The following L3MBTL3 variants were observed in gnomAD, a reference collection of about 807,000 sequenced individuals.
The protein encoded by L3MBTL3 is lethal(3)malignant brain tumor-like protein 3.
In L3MBTL3, 27 loss-of-function variants were observed where a neutral mutation model predicts 102.3. That is an observed-to-expected ratio of 0.26 (90% CI 0.19 to 0.36). The LOEUF is 0.36. Ranked by LOEUF, L3MBTL3 falls within the 10% of genes least tolerant of loss-of-function variation. The probability of loss-of-function intolerance (pLI) is 1.00; values close to 1 mark genes in which losing one functional copy is unlikely to be tolerated. For synonymous variants in L3MBTL3, 340 were observed against 320.9 expected, an observed-to-expected ratio of 1.06 and a Z score of -0.64; for missense variants, 798 against 955.3, an observed-to-expected ratio of 0.84 and a Z score of 2.17.
chr6:130,107,693 G>C (rs535444235), intron 19 of L3MBTL3, among the ~76,000 whole-genome samples: 26 of 152,318 alleles, frequency 1.7e-4, no homozygotes, highest in Non-Finnish European at 2.8e-4. Context: ...AGCAAATGCT[G>C]TCAGTGATGC....
At chr6:130,113,220 G>A (rs1785460056) in intron 19 of L3MBTL3, among the ~76,000 whole-genome samples, 1 of 152,174 alleles carries the variant, frequency 6.6e-6, no homozygotes, top group Non-Finnish European at 1.5e-5. Flanking sequence ...ACTCATTCAG[G>A]AAATGGAATT....
At chr6:130,055,084 G>T in intron 7 of L3MBTL3, 87 bp from the exon 8 acceptor site, 1 of 934,052 alleles carries the variant, frequency 1.1e-6, no homozygotes, top group African/African-American at 1.6e-5. Flanking sequence ...AAGAACAACA[G>T]AAAAAGTGCT....
chr6:130,019,851 C>T lies in L3MBTL3; in HGVS notation c.-95+1187C>T, dbSNP rs1284949715. Among the ~76,000 whole-genome samples the T allele has an allele frequency of 2.2e-5, 3 of 136,720 alleles. No homozygotes were observed. The East Asian group carries it at 6.7e-4, about 30-fold the overall frequency. 89.7% of individuals were successfully genotyped at this position (136,720 alleles called of 152,430 possible). A position where few individuals can be genotyped will look rare whatever the true frequency, so the allele number is the denominator to read the frequency against. Reference sequence around the variant, plus strand: ...CGAGGCGGCGCGGGCCCGCGGCGGCCGTCCGCGCGGGAGAGGGCGCGGGCC... The same window carrying T: ...CGAGGCGGCGCGGGCCCGCGGCGGCTGTCCGCGCGGGAGAGGGCGCGGGCC... On this transcript the variant is annotated intron_variant, in intron 1 of 22. Transcript: ENST00000361794.
chr6:130,103,173 T>C (rs1784800669), intron 18 of L3MBTL3, among the ~76,000 whole-genome samples: 1 of 152,246 alleles, frequency 6.6e-6, no homozygotes, highest in Non-Finnish European at 1.5e-5. Flanking sequence ...GTGCTTGATA[T>C]ATCATAAGTG....
chr6:130,074,777 A>G (rs1030511047), intron 13 of L3MBTL3, among the ~76,000 whole-genome samples: 3 of 152,214 alleles, frequency 2.0e-5, no homozygotes, highest in Admixed American at 1.3e-4. Flanking sequence ...AGCTTCAGCC[A>G]TTTTTTATTC....
At chr6:130,116,473 C>G (rs1255976742) in intron 19 of L3MBTL3, among the ~76,000 whole-genome samples, 4 of 152,170 alleles carry the variant, frequency 2.6e-5, no homozygotes, top group African/African-American at 9.7e-5. Flanking sequence ...TGTTAAGATT[C>G]ATGCACCCAG....
At chr6:130,057,316 C>A (rs2114857066) in intron 8 of L3MBTL3, 90 bp from the exon 9 acceptor site, 2 of 925,696 alleles carry the variant, frequency 2.2e-6, no homozygotes, top group Admixed American at 2.0e-5. Context: ...AGCCAGGCAG[C>A]GTATCAGTCA....
intron 19 of L3MBTL3, among the ~76,000 whole-genome samples, chr6:130,120,224 T>G (rs773567749): frequency 6.6e-6 from 1 of 152,118 alleles, no homozygotes; most frequent in African/African-American, 2.4e-5. Context: ...GAAAAGTAGT[T>G]CCTTTTTTTA....
chr6:130,055,161 CT>C lies in L3MBTL3; in HGVS notation c.583-5del. 1.9e-6 allele frequency: 3 copies of C among 1,610,800 alleles called. No individual in the cohort carries two copies. The highest frequency in any genetic ancestry group is 2.5e-6 in the Non-Finnish European group (3 of 1,177,130). On this transcript the variant is annotated splice_polypyrimidine_tract_variant and intron_variant, in intron 7 of 22. Coordinates refer to ENST00000361794, the MANE Select transcript of L3MBTL3 (RefSeq NM_032438.4). ...AACTTTAAAGTCATAATTTTCCTTT[CT>C]TTTTGTAGGAGAACAAACAAGATGT...
In L3MBTL3 at chr6:130,140,359, A is replaced by G. The variant is rs1409944524; in HGVS notation, c.*606A>G. On this transcript the variant is annotated 3_prime_UTR_variant, in exon 23 of 23. Coordinates refer to ENST00000361794, the MANE Select transcript of L3MBTL3 (RefSeq NM_032438.4). ...TGTAAGAATGACTTTTCTTTGAATC[A>G]GTATTTTTCCTTTTGCACGCATTAT... is the stretch of plus-strand genomic sequence containing the variant. The G allele has an allele frequency of 6.6e-6, 1 of 152,658 alleles. No homozygotes were observed. Among genetic ancestry groups the G allele is most frequent in the Non-Finnish European group, 1.5e-5 (1 of 68,050 alleles). The allele number at this position is 152,658 out of a possible 1,614,324, so 9.5% of individuals were successfully genotyped here. A position where few individuals can be genotyped will look rare whatever the true frequency, so the allele number is the denominator to read the frequency against.
chr6:130,021,286 C>T (rs183357838), intron 1 of L3MBTL3, among the ~76,000 whole-genome samples: 5 of 152,168 alleles, frequency 3.3e-5, no homozygotes, highest in Admixed American at 3.3e-4. Context: ...TTACTCGTAG[C>T]TACGTAGTCC....
At chr6:130,030,719 C>G (rs1779667920) in intron 2 of L3MBTL3, among the ~76,000 whole-genome samples, 1 of 150,066 alleles carries the variant, frequency 6.7e-6, no homozygotes, top group South Asian at 2.1e-4. Context: ...CACTGGGGCT[C>G]CAAAGCCTTT....
intron 2 of L3MBTL3, among the ~76,000 whole-genome samples, chr6:130,034,078 G>C (rs917629463): frequency 7.2e-5 from 11 of 152,166 alleles, no homozygotes; most frequent in African/African-American, 2.2e-4. Context: ...GCCCCAGGCA[G>C]CCTCTTTATT....
chr6:130,139,927 T>C lies in L3MBTL3; in HGVS notation c.*174T>C. The C allele has an allele frequency of 3.5e-6, 2 of 577,360 alleles. No individual in the cohort carries two copies. The highest frequency in any genetic ancestry group is 5.9e-6 in the Non-Finnish European group (2 of 339,462). The allele number at this position is 577,360 out of a possible 1,614,324, so 35.8% of individuals were successfully genotyped here. On this transcript the variant is annotated 3_prime_UTR_variant, in exon 23 of 23. Coordinates refer to ENST00000361794, the MANE Select transcript of L3MBTL3 (RefSeq NM_032438.4). ...ATATATGAATTCTTATGAAAGTGCTTGAGCTTTTAACCAGGTACTGTCTAA... is the reference window on the plus strand; with the variant it reads ...ATATATGAATTCTTATGAAAGTGCTCGAGCTTTTAACCAGGTACTGTCTAA...
intron 18 of L3MBTL3, among the ~76,000 whole-genome samples, chr6:130,098,350 ATAGAGGAGAGGGTCCCTCCT>A: frequency 6.6e-6 from 1 of 152,150 alleles, no homozygotes; most frequent in Admixed American, 6.5e-5. Context: ...GAGGGACTGT[ATAGAGGAGAGGGTCCCTCCT>A]TCTAAAGAGG....
intron 2 of L3MBTL3, among the ~76,000 whole-genome samples, chr6:130,031,554 C>T (rs562901183): frequency 6.6e-6 from 1 of 152,168 alleles, no homozygotes; most frequent in Non-Finnish European, 1.5e-5. Flanking sequence ...TATCAGGGGA[C>T]ATGAATAAAT....
chr6:130,049,644 G>C, intron 4 of L3MBTL3, 112 bp from the exon 5 acceptor site: 1 of 1,200,784 alleles, frequency 8.3e-7, no homozygotes, highest in Non-Finnish European at 1.2e-6. Context: ...GTAAATCCAT[G>C]TTGTAGCCTA....
At chr6:130,053,811 G>A (rs1332715719) in intron 7 of L3MBTL3, among the ~76,000 whole-genome samples, 2 of 152,118 alleles carry the variant, frequency 1.3e-5, no homozygotes, top group East Asian at 1.9e-4. Context: ...AAGTGTTTCC[G>A]TTGAGATCGG....
chr6:130,120,000 G>A (rs1786021791), intron 19 of L3MBTL3, among the ~76,000 whole-genome samples: 1 of 152,238 alleles, frequency 6.6e-6, no homozygotes, highest in Middle Eastern at 3.4e-3. Context: ...CTTAACAGAA[G>A]TATGCTCTGG....
Sources: gnomAD v4.1 joint callset for allele counts (sites outside exome capture counted in the v4.1 genomes callset) on GRCh38, gnomAD v4.1.1 for gene constraint, MANE v1.5 for transcripts, NCBI Gene and HGNC (gene_info 2026-07-23, HGNC 2026-07-21) for gene names.